MBNL1: variants seen among roughly 807,000 people sequenced by gnomAD.
MBNL1 encodes the protein muscleblind like splicing regulator 1.
Under a neutral mutation model 42.2 loss-of-function variants are expected in MBNL1, and 8 were observed. The ratio of observed to expected loss-of-function variants is 0.19; its 90% confidence interval spans 0.11 to 0.34. MBNL1 has a LOEUF of 0.34. Among genes scored for constraint, MBNL1 ranks in the 10% least tolerant of loss-of-function variants. The pLI is 1.00. For missense variants in MBNL1, 309 were observed against 495.3 expected (o/e 0.62, Z 3.57); for synonymous variants, 169 against 173.9 (o/e 0.97, Z 0.22).
chr3:152,417,408 T>C (rs1368487020), intron 3 of MBNL1, among the ~76,000 whole-genome samples: 1 of 152,190 alleles, frequency 6.6e-6, no homozygotes, highest in African/African-American at 2.4e-5. Context: ...TGGCATTAAC[T>C]TGGATCCAAC....
intron 2 of MBNL1, among the ~76,000 whole-genome samples, chr3:152,311,588 TTTTG>T (rs1407973809): frequency 1.3e-5 from 2 of 152,198 alleles, no homozygotes. Flanking sequence ...TATTTTAATT[TTTTG>T]TTTATTTGTA....
At chr3:152,312,348 T>C (rs1482738200) in intron 2 of MBNL1, among the ~76,000 whole-genome samples, 1 of 152,224 alleles carries the variant, frequency 6.6e-6, no homozygotes, top group African/African-American at 2.4e-5. Flanking sequence ...GCTAGTGTTA[T>C]AAGTGTCCTT....
At chr3:152,347,624 A>C (rs1002755023) in intron 2 of MBNL1, among the ~76,000 whole-genome samples, 6 of 152,148 alleles carry the variant, frequency 3.9e-5, no homozygotes, top group African/African-American at 1.4e-4. Context: ...GTAAGAAGAC[A>C]GTGTGAAAAA....
intron 1 of MBNL1, among the ~76,000 whole-genome samples, chr3:152,269,935 A>G (rs539663715): frequency 7.5e-6 from 1 of 132,946 alleles, no homozygotes; most frequent in East Asian, 2.5e-4. Context: ...TTTTTTTTAA[A>G]CGGAGCCGGA....
chr3:152,350,484 G>A (rs544904428), intron 2 of MBNL1, among the ~76,000 whole-genome samples: 15 of 152,132 alleles, frequency 9.9e-5, no homozygotes, highest in Admixed American at 6.6e-5. Flanking sequence ...CAGCACAGAA[G>A]AGGTTGTTGT....
chr3:152,280,001 T>C (rs1386155064), intron 1 of MBNL1, among the ~76,000 whole-genome samples: 4 of 152,162 alleles, frequency 2.6e-5, no homozygotes, highest in Non-Finnish European at 5.9e-5. Flanking sequence ...TTAGAACATA[T>C]GGCAAATAAA....
chr3:152,407,209 CTTTTTT>C (rs60509782), intron 2 of MBNL1, among the ~76,000 whole-genome samples: 5,851 of 54,264 alleles, frequency 0.11, 200 homozygotes, highest in East Asian at 0.4. Flanking sequence ...GAAATATGTT[CTTTTTT>C]TTTTTTTTTT....
intron 2 of MBNL1, among the ~76,000 whole-genome samples, chr3:152,339,155 C>T (rs2092350060): frequency 6.6e-6 from 1 of 152,032 alleles, no homozygotes; most frequent in African/African-American, 2.4e-5. Context: ...AAGAGCAGTT[C>T]AAATCTTAGT....
intron 2 of MBNL1, among the ~76,000 whole-genome samples, chr3:152,396,613 T>C (rs2153516137): frequency 6.6e-6 from 1 of 152,328 alleles, no homozygotes; most frequent in South Asian, 2.1e-4. Flanking sequence ...TTTTCCACCC[T>C]GGTTTCACAG....
At chr3:152,443,988 G>T (rs2099183838) in intron 4 of MBNL1, among the ~76,000 whole-genome samples, 1 of 152,106 alleles carries the variant, frequency 6.6e-6, no homozygotes, top group Non-Finnish European at 1.5e-5. Context: ...TGAATATAAT[G>T]TGGGAAAACA....
At chr3:152,248,878 T>G in intron 2 of MBNL1, among the ~76,000 whole-genome samples, 1 of 152,114 alleles carries the variant, frequency 6.6e-6, no homozygotes. Flanking sequence ...TTTGGTTTTT[T>G]GTTCTTGCGA....
At chr3:152,397,334 T>G (rs2153520708) in intron 2 of MBNL1, among the ~76,000 whole-genome samples, 2 of 152,290 alleles carry the variant, frequency 1.3e-5, no homozygotes, top group South Asian at 4.1e-4. Flanking sequence ...ATTAGGTATT[T>G]CTCCTGATGC....
chr3:152,444,437 A>T (rs1248894066), intron 4 of MBNL1, among the ~76,000 whole-genome samples: 2 of 152,172 alleles, frequency 1.3e-5, no homozygotes, highest in African/African-American at 4.8e-5. Flanking sequence ...GAATCTCTAA[A>T]GATCAAAAAA....
At chr3:152,369,835 T>G (rs2153228738) in intron 2 of MBNL1, among the ~76,000 whole-genome samples, 1 of 152,334 alleles carries the variant, frequency 6.6e-6, no homozygotes, top group South Asian at 2.1e-4. Context: ...TAAACTGTAT[T>G]TCTTTGGGAT....
intron 6 of MBNL1, among the ~76,000 whole-genome samples, chr3:152,452,263 G>A (rs576257289): frequency 4.3e-4 from 66 of 152,270 alleles, no homozygotes; most frequent in South Asian, 1.7e-3. Flanking sequence ...AAATTACGGC[G>A]TGTAAGAAAT....
intron 2 of MBNL1, among the ~76,000 whole-genome samples, chr3:152,390,645 A>ACACT (rs753471201): frequency 2.7e-4 from 40 of 150,190 alleles, no homozygotes; most frequent in African/African-American, 9.6e-4. Context: ...ACACACACAC[A>ACACT]CTCTGATATA....
At chr3:152,403,252 C>G (rs2098306676) in intron 2 of MBNL1, among the ~76,000 whole-genome samples, 1 of 152,014 alleles carries the variant, frequency 6.6e-6, no homozygotes, top group South Asian at 2.1e-4. Flanking sequence ...TGAGGCCCAA[C>G]ATCTCCATAC....
At chr3:152,370,644 G>T (rs527546376) in intron 2 of MBNL1, among the ~76,000 whole-genome samples, 1 of 152,288 alleles carries the variant, frequency 6.6e-6, no homozygotes, top group South Asian at 2.1e-4. Context: ...AAGTCTCTTT[G>T]TAGGTCTCTA....
At chr3:152,445,261 A>G (rs1254585027) in intron 4 of MBNL1, 21 bp from the exon 5 acceptor site, 2 of 1,601,450 alleles carry the variant, frequency 1.2e-6, no homozygotes, top group African/African-American at 1.3e-5. Flanking sequence ...ACTAAACCTC[A>G]TGTACTTAAT....
Sources: allele counts gnomAD v4.1 joint callset (sites outside exome capture counted in the v4.1 genomes callset), GRCh38; gene constraint gnomAD v4.1.1; transcripts MANE v1.5; gene names NCBI Gene and HGNC (gene_info 2026-07-23, HGNC 2026-07-21).